ACOXL: variants seen among roughly 807,000 people sequenced by gnomAD.
ACOXL encodes acyl-CoA oxidase like.
A neutral mutation model predicts 71.9 loss-of-function variants in ACOXL; 70 were observed. The ratio of observed to expected loss-of-function variants is 0.97; its 90% confidence interval spans 0.80 to 1.19. The LOEUF (loss-of-function observed/expected upper bound fraction) is 1.19, where lower values mean the gene tolerates loss of function less well. Among genes scored for constraint, ACOXL ranks in the 50% most tolerant of loss-of-function variants. The pLI is 0.00. For synonymous variants in ACOXL, 253 were observed against 281.6 expected (o/e 0.90, Z 1.02); for missense variants, 703 against 736.3 (o/e 0.95, Z 0.52).
At chr2:111,109,956 G>T (rs978693663) in intron 17 of ACOXL, among the ~76,000 whole-genome samples, 5 of 152,052 alleles carry the variant, frequency 3.3e-5, no homozygotes, top group African/African-American at 9.7e-5. Flanking sequence ...GGAATTACAA[G>T]CATGAGCCAC....
At chr2:110,838,367 T>C (rs1028579774) in intron 9 of ACOXL, among the ~76,000 whole-genome samples, 2 of 152,128 alleles carry the variant, frequency 1.3e-5, no homozygotes, top group Non-Finnish European at 2.9e-5. Context: ...TGCGTGTGTG[T>C]GCGCACACAC....
At chr2:110,781,084 C>T (rs1683259105) in intron 2 of ACOXL, among the ~76,000 whole-genome samples, 1 of 152,108 alleles carries the variant, frequency 6.6e-6, no homozygotes, top group South Asian at 2.1e-4. Flanking sequence ...TGGGTACTAA[C>T]TGTAGAGGGG....
intron 12 of ACOXL, among the ~76,000 whole-genome samples, chr2:110,960,214 C>T (rs1363692902): frequency 1.3e-5 from 2 of 152,108 alleles, no homozygotes; most frequent in Non-Finnish European, 2.9e-5. Context: ...GCCGGTGTGG[C>T]CAGAATGAAC....
intron 16 of ACOXL, among the ~76,000 whole-genome samples, chr2:111,068,560 C>T (rs2067184242): frequency 1.3e-5 from 2 of 152,122 alleles, no homozygotes; most frequent in African/African-American, 4.8e-5. Flanking sequence ...GACCTGCATC[C>T]ACATGGCCCC....
At chr2:110,891,194 C>A (rs1697894196) in intron 10 of ACOXL, among the ~76,000 whole-genome samples, 1 of 151,960 alleles carries the variant, frequency 6.6e-6, no homozygotes, top group South Asian at 2.1e-4. Flanking sequence ...TTTCTATATA[C>A]AAGATCATGT....
At chr2:110,925,200 A>C (rs1224818063) in intron 11 of ACOXL, among the ~76,000 whole-genome samples, 1 of 152,202 alleles carries the variant, frequency 6.6e-6, no homozygotes, top group African/African-American at 2.4e-5. Flanking sequence ...CATAATTCTT[A>C]ATGGCCTTAG....
At chr2:110,917,843 A>G (rs1157913486) in intron 11 of ACOXL, among the ~76,000 whole-genome samples, 1 of 152,220 alleles carries the variant, frequency 6.6e-6, no homozygotes, top group Admixed American at 6.5e-5. Context: ...AATCCAACTT[A>G]CAAGGGATGT....
chr2:110,814,913 T>A, intron 9 of ACOXL, among the ~76,000 whole-genome samples: 1 of 152,236 alleles, frequency 6.6e-6, no homozygotes, highest in Non-Finnish European at 1.5e-5. Context: ...AATTTCTAAT[T>A]GCCTTTGTTT....
At chr2:110,750,520 A>G (rs1310022403) in intron 1 of ACOXL, among the ~76,000 whole-genome samples, 1 of 151,164 alleles carries the variant, frequency 6.6e-6, no homozygotes, top group African/African-American at 2.4e-5. Flanking sequence ...TAAGAAAACA[A>G]TGGCCCTACC....
chr2:110,950,785 A>G lies in ACOXL; in HGVS notation c.1059+17143A>G, dbSNP rs527942464. Among the ~76,000 whole-genome samples the G allele has an allele frequency of 4.2e-5, 6 of 142,492 alleles. No individual in the cohort carries two copies. The East Asian group carries it at 7.4e-4, about 18-fold the overall frequency. 93.5% of individuals were successfully genotyped at this position (142,492 alleles called of 152,430 possible). Reference sequence around the variant, plus strand: ...TTTCTCCAGCAAGAATGAAGAATCAATCTTAAGGAGGAAGGGTGGGGGGTG... The same window carrying G: ...TTTCTCCAGCAAGAATGAAGAATCAGTCTTAAGGAGGAAGGGTGGGGGGTG... On this transcript the variant is annotated intron_variant, in intron 12 of 17. Coordinates refer to ENST00000439055, the MANE Select transcript of ACOXL (RefSeq NM_001142807.4).
intron 14 of ACOXL, among the ~76,000 whole-genome samples, chr2:111,025,516 T>A (rs1258190346): frequency 6.6e-6 from 1 of 152,228 alleles, no homozygotes. Context: ...TTTAGCCATT[T>A]TAGTGGGTGC....
intron 11 of ACOXL, among the ~76,000 whole-genome samples, chr2:110,909,810 T>G (rs1404421214): frequency 6.6e-6 from 1 of 151,062 alleles, no homozygotes; most frequent in Non-Finnish European, 1.5e-5. Context: ...GCACCTGTGT[T>G]CTTATTGTAC....
At chr2:110,952,540 G>T in intron 12 of ACOXL, among the ~76,000 whole-genome samples, 1 of 152,082 alleles carries the variant, frequency 6.6e-6, no homozygotes, top group East Asian at 1.9e-4. Flanking sequence ...TGGCCCTTGG[G>T]CTCAAGAGAT....
rs533835497 is a variant in ACOXL, at chr2:111,031,935, A to AT, written c.1369+222dup. On this transcript the variant is annotated intron_variant, in intron 15 of 17. Coordinates refer to ENST00000439055, the MANE Select transcript of ACOXL (RefSeq NM_001142807.4). ...GACCATATGACACCCACAAAGCCTG[A>AT]TGCTAAACCAGTCAGGAACAGCTCA... is the stretch of plus-strand genomic sequence containing the variant. Among the ~76,000 whole-genome samples, 276 of 152,342 alleles carry AT rather than the reference A, an allele frequency of 1.8e-3. 2 individuals are homozygous for AT. The highest frequency in any genetic ancestry group is 6.2e-3 in the African/African-American group (256 of 41,586).
rs1007304319 is a variant in ACOXL at position 110,888,242 on chromosome 2, C to T, written c.789-20547C>T. Among the ~76,000 whole-genome samples, 6 of 152,112 alleles carry T rather than the reference C, an allele frequency of 3.9e-5. No individual in the cohort carries two copies. In the East Asian group the frequency reaches 5.8e-4, roughly 15 times the overall value. Reference sequence around the variant, plus strand: ...TACCCCAGTATGGAACTGGAAGGGACGGGAAGTGTTTAGGATCAAGTTCCA... The same window carrying T: ...TACCCCAGTATGGAACTGGAAGGGATGGGAAGTGTTTAGGATCAAGTTCCA... On this transcript the variant is annotated intron_variant, in intron 10 of 17. Transcript: ENST00000439055.
intron 12 of ACOXL, among the ~76,000 whole-genome samples, chr2:110,954,403 C>G (rs1212161267): frequency 6.6e-6 from 1 of 152,074 alleles, no homozygotes; most frequent in African/African-American, 2.4e-5. Flanking sequence ...TGAGTCTTAT[C>G]TCTGCTTGTT....
At chr2:110,979,334 G>A (rs560121648) in intron 12 of ACOXL, among the ~76,000 whole-genome samples, 2 of 152,188 alleles carry the variant, frequency 1.3e-5, no homozygotes, top group Non-Finnish European at 2.9e-5. Flanking sequence ...TGACACTGGA[G>A]TGATTTCTGG....
At chr2:111,011,728 C>T (rs2149671952) in intron 14 of ACOXL, among the ~76,000 whole-genome samples, 1 of 151,796 alleles carries the variant, frequency 6.6e-6, no homozygotes, top group East Asian at 1.9e-4. Context: ...ACTAAAAATA[C>T]AAAAATTAGC....
intron 1 of ACOXL, among the ~76,000 whole-genome samples, chr2:110,758,803 G>A (rs999192177): frequency 1.8e-4 from 28 of 152,200 alleles, no homozygotes; most frequent in African/African-American, 5.3e-4. Context: ...GCTTTTTGAC[G>A]TGGACATGTA....
Sources: allele counts gnomAD v4.1 joint callset (sites outside exome capture counted in the v4.1 genomes callset), GRCh38; gene constraint gnomAD v4.1.1; transcripts MANE v1.5; gene names NCBI Gene and HGNC (gene_info 2026-07-23, HGNC 2026-07-21).